CDH10: variants seen among roughly 807,000 people sequenced by gnomAD.
The protein encoded by CDH10 is cadherin 10, also known as cadherin-10.
Under a neutral mutation model 73.1 loss-of-function variants are expected in CDH10, and 30 were observed. The observed-to-expected ratio is 0.41, with a 90% confidence interval of 0.31 to 0.56. The LOEUF (loss-of-function observed/expected upper bound fraction) is 0.56, where lower values mean the gene tolerates loss of function less well. Among genes scored for constraint, CDH10 ranks in the 20% least tolerant of loss-of-function variants. The pLI is 0.27. For missense variants in CDH10, 815 were observed against 973.7 expected (o/e 0.84, Z 2.17); for synonymous variants, 345 against 348.2 (o/e 0.99, Z 0.10).
intron 6 of CDH10, 75 bp downstream of exon 6, chr5:24,511,252 T>A: frequency 1.2e-6 from 1 of 860,956 alleles, no homozygotes; most frequent in Non-Finnish European, 1.9e-6. Flanking sequence ...AATGGATCAT[T>A]CATGAGCGAA....
chr5:24,508,679 T>C (rs6874485), intron 7 of CDH10, among the ~76,000 whole-genome samples: 7,767 of 152,050 alleles, frequency 0.051, 656 homozygotes, highest in African/African-American at 0.17. Flanking sequence ...CCACCATGCC[T>C]GGCTAATTTT....
intron 8 of CDH10, among the ~76,000 whole-genome samples, chr5:24,504,530 T>TG: frequency 3.1e-5 from 4 of 127,712 alleles, no homozygotes; most frequent in African/African-American, 1.2e-4. Context: ...TTTTTTTTTT[T>TG]TTTTTTTTTT....
chr5:24,586,843 C>CTTTTTTT (rs1001227038), intron 2 of CDH10, among the ~76,000 whole-genome samples: 11,726 of 102,270 alleles, frequency 0.11, 1,913 homozygotes, highest in African/African-American at 0.22. Context: ...AGCCCATATT[C>CTTTTTTT]TTTTTTTTTT....
At chr5:24,489,050 A>G (rs2111620013) in intron 11 of CDH10, among the ~76,000 whole-genome samples, 1 of 152,224 alleles carries the variant, frequency 6.6e-6, no homozygotes, top group East Asian at 1.9e-4. Flanking sequence ...ACCCTTACTC[A>G]TTATTCCCAA....
chr5:24,637,087 C>T (rs534385514), intron 1 of CDH10, among the ~76,000 whole-genome samples: 8 of 151,836 alleles, frequency 5.3e-5, no homozygotes, highest in Admixed American at 2.0e-4. Flanking sequence ...TTAAAAGCAC[C>T]TAGTACTTAT....
At chr5:24,611,173 G>A (rs1746935307) in intron 1 of CDH10, among the ~76,000 whole-genome samples, 1 of 152,036 alleles carries the variant, frequency 6.6e-6, no homozygotes, top group South Asian at 2.1e-4. Flanking sequence ...CTTCCCTCAC[G>A]GGGTGCCCAT....
chr5:24,518,918 T>A (rs1579750641), intron 5 of CDH10, among the ~76,000 whole-genome samples: 1 of 125,166 alleles, frequency 8.0e-6, no homozygotes, highest in East Asian at 2.4e-4. Context: ...TGAGACAGAG[T>A]CTTGCTCGGT....
intron 2 of CDH10, among the ~76,000 whole-genome samples, chr5:24,580,486 T>C (rs748121080): frequency 4.6e-5 from 7 of 152,106 alleles, no homozygotes; most frequent in African/African-American, 1.7e-4. Context: ...ACCTTAGTTT[T>C]GTTGTAGAAA....
intron 1 of CDH10, among the ~76,000 whole-genome samples, chr5:24,602,281 G>C (rs1047216757): frequency 1.1e-4 from 16 of 152,138 alleles, no homozygotes; most frequent in Non-Finnish European, 1.5e-4. Context: ...ATTACTGTGG[G>C]AACCAGAGAG....
At chr5:24,638,576 T>G (rs1219211174) in intron 1 of CDH10, among the ~76,000 whole-genome samples, 1 of 151,806 alleles carries the variant, frequency 6.6e-6, no homozygotes, top group African/African-American at 2.4e-5. Flanking sequence ...TTCTGTAAGT[T>G]TCTACTCATG....
chr5:24,626,697 C>G (rs1398390431), intron 1 of CDH10, among the ~76,000 whole-genome samples: 1 of 151,638 alleles, frequency 6.6e-6, no homozygotes, highest in Non-Finnish European at 1.5e-5. Context: ...TCACTTAAAT[C>G]TGGGAAGCAG....
At chr5:24,516,282 C>G (rs1743105559) in intron 5 of CDH10, among the ~76,000 whole-genome samples, 1 of 151,926 alleles carries the variant, frequency 6.6e-6, no homozygotes, top group African/African-American at 2.4e-5. Flanking sequence ...GATTTTAAGT[C>G]AATTAGGTGT....
intron 7 of CDH10, among the ~76,000 whole-genome samples, chr5:24,507,103 C>A (rs1742724699): frequency 6.6e-6 from 1 of 152,104 alleles, no homozygotes; most frequent in South Asian, 2.1e-4. Flanking sequence ...CCTTTGATTA[C>A]TGTATTAACA....
chr5:24,586,441 T>TTTTC (rs779034925), intron 2 of CDH10, among the ~76,000 whole-genome samples: 1 of 93,544 alleles, frequency 1.1e-5, no homozygotes, highest in Non-Finnish European at 2.5e-5. Flanking sequence ...CTCCTTTTTT[T>TTTTC]TTTTTTTTTT....
intron 2 of CDH10, among the ~76,000 whole-genome samples, chr5:24,573,512 T>A (rs1179440085): frequency 6.6e-6 from 1 of 151,632 alleles, no homozygotes; most frequent in East Asian, 2.0e-4. Context: ...CCATCCTGGC[T>A]AACACGGTGA....
chr5:24,553,363 G>A (rs181572955), intron 2 of CDH10, among the ~76,000 whole-genome samples: 22 of 152,192 alleles, frequency 1.4e-4, no homozygotes, highest in Admixed American at 1.3e-3. Context: ...TCTCTTCTGG[G>A]ACAGTCTATA....
chr5:24,593,637 A>G, intron 1 of CDH10, 24 bp from the exon 2 acceptor site: 1 of 553,882 alleles, frequency 1.8e-6, no homozygotes, highest in African/African-American at 1.9e-5. Flanking sequence ...AACAAACAAA[A>G]AAAGTTAGTT....
chr5:24,604,509 C>A (rs572616487), intron 1 of CDH10, among the ~76,000 whole-genome samples: 1 of 152,170 alleles, frequency 6.6e-6, no homozygotes, highest in African/African-American at 2.4e-5. Context: ...AAGAAAAAAA[C>A]TGACAAATTG....
chr5:24,557,448 G>GA (rs572210077), intron 2 of CDH10, among the ~76,000 whole-genome samples: 4 of 150,816 alleles, frequency 2.7e-5, no homozygotes, highest in Admixed American at 1.3e-4. Context: ...ATTGCTGACT[G>GA]AAAAAAAACT....
Sources: gnomAD v4.1 joint callset for allele counts (sites outside exome capture counted in the v4.1 genomes callset) on GRCh38, gnomAD v4.1.1 for gene constraint, MANE v1.5 for transcripts, NCBI Gene and HGNC (gene_info 2026-07-23, HGNC 2026-07-21) for gene names.